FRMD5: variants seen among roughly 807,000 people sequenced by gnomAD.
The protein encoded by FRMD5 is FERM domain-containing protein 5.
FRMD5 carries 20 observed loss-of-function variants against 69.0 expected under a neutral mutation model. The observed-to-expected ratio is 0.29, with a 90% CI of 0.20 to 0.42. FRMD5 has a LOEUF of 0.42. Among genes scored for constraint, FRMD5 ranks in the 10% least tolerant of loss-of-function variants. The pLI is 1.00. For synonymous variants in FRMD5, 271 were observed against 260.1 expected, an observed-to-expected ratio of 1.04 and a Z score of -0.40; for missense variants, 595 against 708.6, an observed-to-expected ratio of 0.84 and a Z score of 1.82.
intron 1 of FRMD5, among the ~76,000 whole-genome samples, chr15:44,188,968 G>C (rs952218055): frequency 6.6e-6 from 1 of 152,090 alleles, no homozygotes; most frequent in African/African-American, 2.4e-5. Context: ...TATAATCACT[G>C]TCAAAGGGGT....
At chr15:43,990,206 G>T in intron 1 of FRMD5, 1 of 461,608 alleles carries the variant, frequency 2.2e-6, no homozygotes. Context: ...GGCGGGTGTG[G>T]ACGGGTGGCA....
intron 1 of FRMD5, among the ~76,000 whole-genome samples, chr15:44,184,418 T>C (rs1595567775): frequency 6.6e-6 from 1 of 152,240 alleles, no homozygotes; most frequent in East Asian, 1.9e-4. Flanking sequence ...CAGATTTCCA[T>C]TTGTTTGTAC....
chr15:43,944,956 T>C (rs1363528949), intron 1 of FRMD5, among the ~76,000 whole-genome samples: 2 of 144,024 alleles, frequency 1.4e-5, no homozygotes, highest in African/African-American at 2.5e-5. Flanking sequence ...TATTTATTTA[T>C]TTTTTTTTTT....
intron 1 of FRMD5, among the ~76,000 whole-genome samples, chr15:43,955,297 G>A (rs1403250296): frequency 6.6e-6 from 1 of 152,212 alleles, no homozygotes. Context: ...GCACAGTTAT[G>A]TGCTCCCTCT....
intron 1 of FRMD5, among the ~76,000 whole-genome samples, chr15:43,960,212 C>T (rs2090175605): frequency 6.6e-6 from 1 of 152,186 alleles, no homozygotes; most frequent in Non-Finnish European, 1.5e-5. Flanking sequence ...CCTCAGCCTC[C>T]CAAGTAGCTG....
intron 1 of FRMD5, among the ~76,000 whole-genome samples, chr15:44,114,302 C>G (rs1213806489): frequency 1.3e-5 from 2 of 152,302 alleles, no homozygotes; most frequent in East Asian, 3.9e-4. Flanking sequence ...ATGTTTTGTA[C>G]TATAAAGCAA....
intron 1 of FRMD5, among the ~76,000 whole-genome samples, chr15:44,046,206 C>G (rs2140331382): frequency 6.6e-6 from 1 of 151,910 alleles, no homozygotes; most frequent in Admixed American, 6.6e-5. Flanking sequence ...TAAATATTCC[C>G]CAAAGAAAAA....
intron 1 of FRMD5, among the ~76,000 whole-genome samples, chr15:43,967,271 C>T (rs1435387825): frequency 1.3e-5 from 2 of 151,538 alleles, no homozygotes; most frequent in Non-Finnish European, 2.9e-5. Context: ...CTCGCTCTGT[C>T]GCCCAGGCTG....
chr15:44,071,633 T>C (rs74620196), intron 1 of FRMD5, among the ~76,000 whole-genome samples: 41 of 152,306 alleles, frequency 2.7e-4, no homozygotes, highest in African/African-American at 9.4e-4. Context: ...TTCTCTATCA[T>C]GGGTATCCAG....
In FRMD5 at chr15:44,182,996, C is replaced by T. The variant is rs183129560; in HGVS notation, c.102+11957G>A. Among the ~76,000 whole-genome samples the T allele has an allele frequency of 8.8e-3, 1,325 of 151,216 alleles. 41 individuals are homozygous for T. In the East Asian group the frequency reaches 0.1, roughly 11 times the overall value. ...TTTTTTTTTAGTAGAGACGGGATTTCACCATGTTAGCCAGGATGGTCTCGA... is the reference window on the plus strand; with the variant it reads ...TTTTTTTTTAGTAGAGACGGGATTTTACCATGTTAGCCAGGATGGTCTCGA... On this transcript the variant is annotated intron_variant, in intron 1 of 13. Transcript: ENST00000417257.
chr15:44,026,467 T>C (rs1457804657), intron 1 of FRMD5, among the ~76,000 whole-genome samples: 1 of 152,222 alleles, frequency 6.6e-6, no homozygotes, highest in Non-Finnish European at 1.5e-5. Flanking sequence ...CTTTCCACAT[T>C]TATAGCACAT....
Position 44,094,916 on chromosome 15 carries a change from T to C in FRMD5, c.102+100037A>G, listed in dbSNP as rs576328906. ...ATTGAAATGGCCTCTCTAGAAAGCT[T>C]TGACAAAATTATTATATCCATGGAT... On this transcript the variant is annotated intron_variant, in intron 1 of 13. Coordinates refer to ENST00000417257, the MANE Select transcript of FRMD5 (RefSeq NM_032892.5). 9.2e-5 allele frequency among the ~76,000 whole-genome samples: 14 copies of C among 152,192 alleles called. 1 individual carries two copies. The South Asian group carries it at 2.3e-3, about 25-fold the overall frequency.
intron 1 of FRMD5, among the ~76,000 whole-genome samples, chr15:44,153,739 CG>C (rs1454146315): frequency 6.6e-6 from 1 of 152,150 alleles, no homozygotes; most frequent in African/African-American, 2.4e-5. Flanking sequence ...GAGGCCCAGG[CG>C]GGTGAATCAC....
At chr15:44,072,487 T>TG (rs1229589918) in intron 1 of FRMD5, among the ~76,000 whole-genome samples, 1 of 152,008 alleles carries the variant, frequency 6.6e-6, no homozygotes, top group Non-Finnish European at 1.5e-5. Context: ...CCTCTCAAGG[T>TG]GGAAAAAAAA....
chr15:44,052,849 G>T (rs1892725236), intron 1 of FRMD5, among the ~76,000 whole-genome samples: 2 of 152,030 alleles, frequency 1.3e-5, no homozygotes, highest in African/African-American at 4.8e-5. Context: ...GTATATTGAG[G>T]GTCTAGTATG....
At chr15:44,005,424 T>C (rs1049527528) in intron 1 of FRMD5, among the ~76,000 whole-genome samples, 2 of 125,736 alleles carry the variant, frequency 1.6e-5, no homozygotes, top group African/African-American at 6.3e-5. Flanking sequence ...TGAGCCGAGA[T>C]CACGCCATTG....
chr15:44,061,545 C>T (rs1893087219), intron 1 of FRMD5, among the ~76,000 whole-genome samples: 1 of 152,176 alleles, frequency 6.6e-6, no homozygotes, highest in African/African-American at 2.4e-5. Flanking sequence ...TTGTTTAGAG[C>T]TTCTGATATA....
Position 43,970,719 on chromosome 15 carries a change from C to CAT in FRMD5, c.103-46411_103-46410insAT, listed in dbSNP as rs1289759441. Among the ~76,000 whole-genome samples the CAT allele has an allele frequency of 5.8e-3, 886 of 152,310 alleles. 12 individuals carry two copies. Among genetic ancestry groups the CAT allele is most frequent in the African/African-American group, 0.02 (842 of 41,566 alleles). ...TGATATGCCTTGGCCTCCCAAAGTG[C>CAT]TGGGATTACAGGCGTGAGCCACCGT... On this transcript the variant is annotated intron_variant, in intron 1 of 13. Coordinates refer to ENST00000417257, the MANE Select transcript of FRMD5 (RefSeq NM_032892.5).
chr15:43,875,390 A>ATATATATG lies in FRMD5; in HGVS notation c.1136-929_1136-928insCATATATA, dbSNP rs1385798025. On this transcript the variant is annotated intron_variant, in intron 13 of 13. Coordinates refer to ENST00000417257, the MANE Select transcript of FRMD5 (RefSeq NM_032892.5). ...TATATATATATATATATATATATAT[A>ATATATATG]TATGTATGTATGAAACAAGAGAAGG... Among the ~76,000 whole-genome samples, 790 of 124,526 alleles carry ATATATATG rather than the reference A, an allele frequency of 6.3e-3. 3 individuals are homozygous for ATATATATG. The highest frequency in any genetic ancestry group is 8.7e-3 in the East Asian group (33 of 3,784). 81.7% of individuals were successfully genotyped at this position (124,526 alleles called of 152,430 possible).
Sources: gnomAD v4.1 joint callset for allele counts (sites outside exome capture counted in the v4.1 genomes callset) on GRCh38, gnomAD v4.1.1 for gene constraint, MANE v1.5 for transcripts, NCBI Gene and HGNC (gene_info 2026-07-23, HGNC 2026-07-21) for gene names.